Variants in LOXHD1 observed in about 807,000 individuals in gnomAD.
LOXHD1 encodes lipoxygenase homology domain-containing protein 1.
A neutral mutation model predicts 248.2 loss-of-function variants in LOXHD1; 205 were observed. The ratio of observed to expected loss-of-function variants is 0.83; its 90% confidence interval spans 0.74 to 0.93. The LOEUF is 0.93. Ranked by LOEUF, LOXHD1 falls within the 40% of genes least tolerant of loss-of-function variation. LOXHD1 has a pLI of 0.00. For synonymous variants in LOXHD1, 1,113 were observed against 1,162.8 expected (o/e 0.96, Z 0.87); for missense variants, 2,930 against 2,971.6 (o/e 0.99, Z 0.33).
intron 37 of LOXHD1, among the ~76,000 whole-genome samples, chr18:46,494,849 C>CTTTTTTTTTTTTTTTTTT (rs58016824): frequency 1.7e-4 from 16 of 96,554 alleles, no homozygotes; most frequent in Non-Finnish European, 2.9e-4. Flanking sequence ...TTCTCTCTCT[C>CTTTTTTTTTTTTTTTTTT]TTTTTTTTTT....
intron 21 of LOXHD1, among the ~76,000 whole-genome samples, chr18:46,552,280 C>A (rs915716707): frequency 1.3e-5 from 2 of 152,190 alleles, no homozygotes; most frequent in Admixed American, 1.3e-4. Flanking sequence ...AAAACATTCA[C>A]AGCCCACAGC....
At chr18:46,480,827 G>A (rs2032497967) in intron 40 of LOXHD1, among the ~76,000 whole-genome samples, 1 of 152,086 alleles carries the variant, frequency 6.6e-6, no homozygotes, top group East Asian at 1.9e-4. Flanking sequence ...AGGGCTGTAG[G>A]GAATTTTTAC....
At chr18:46,635,991 G>A (rs551886140) in intron 4 of LOXHD1, among the ~76,000 whole-genome samples, 3 of 152,280 alleles carry the variant, frequency 2.0e-5, no homozygotes, top group Non-Finnish European at 4.4e-5. Context: ...CAGCCATTTG[G>A]TTGGTCCTGC....
intron 4 of LOXHD1, among the ~76,000 whole-genome samples, chr18:46,634,460 T>C (rs951455967): frequency 6.6e-6 from 1 of 152,242 alleles, no homozygotes; most frequent in Non-Finnish European, 1.5e-5. Flanking sequence ...TTATACCACC[T>C]GACCTCATGT....
In LOXHD1 at chr18:46,592,279, G is replaced by GC. The variant is rs35665797; in HGVS notation, c.1519-212dup. ...ACCAGATGACTAGGGCAGAATGCAA[G>GC]CCCCCCAAACACCTGAGCGTTTTCT... is the stretch of plus-strand genomic sequence containing the variant. On this transcript the variant is annotated intron_variant, in intron 11 of 40. Transcript: ENST00000642948. 0.8 allele frequency among the ~76,000 whole-genome samples: 121,007 copies of GC among 152,022 alleles called. 48,670 individuals are homozygous for GC. The highest frequency in any genetic ancestry group is 0.86 in the Non-Finnish European group (58,600 of 67,972).
intron 29 of LOXHD1, among the ~76,000 whole-genome samples, chr18:46,527,351 A>G (rs34822946): frequency 0.055 from 8,447 of 152,342 alleles, 309 homozygotes; most frequent in Non-Finnish European, 0.083. Context: ...CCAGGCGTCA[A>G]CTAGGGCAGG....
At chr18:46,654,501 G>A (rs962405819) in intron 1 of LOXHD1, among the ~76,000 whole-genome samples, 4 of 152,352 alleles carry the variant, frequency 2.6e-5, no homozygotes, top group Admixed American at 2.0e-4. Flanking sequence ...TGTCTTAGGA[G>A]AGAGAGCAAT....
In LOXHD1 at chr18:46,572,024, C is replaced by T. The variant is rs2037761202; in HGVS notation, c.2047+62G>A. On this transcript the variant is annotated intron_variant, in intron 15 of 40. Coordinates refer to ENST00000642948, the MANE Select transcript of LOXHD1 (RefSeq NM_001384474.1). ...GCTCGTGTTTTCTTGAAGGGCTTAG[C>T]TGAGGGAAGGCCCCTGTCTCACCAA... 6 of 1,412,448 alleles carry T rather than the reference C, an allele frequency of 4.2e-6. 1 individual carries two copies. The highest frequency in any genetic ancestry group is 3.5e-4 in the Middle Eastern group (2 of 5,688). The allele number at this position is 1,412,448 out of a possible 1,614,324, so 87.5% of individuals were successfully genotyped here.
At chr18:46,486,677 G>A (rs1185511519) in intron 38 of LOXHD1, among the ~76,000 whole-genome samples, 1 of 152,130 alleles carries the variant, frequency 6.6e-6, no homozygotes, top group African/African-American at 2.4e-5. Flanking sequence ...TTAGGGAAAT[G>A]GTTTGTCAGA....
In LOXHD1 at chr18:46,579,765, A is replaced by C; in HGVS notation, c.1674T>G (p.Thr558=). ...CACCTTCAAGTTCACCTGTGCACAC[A>C]GTCACATGGTACCGGGCCACTGGCA... is the stretch of plus-strand genomic sequence containing the variant. ...RIMGMARYHV[T]VCTGELEGAG... Residue 558 remains threonine, a synonymous_variant, in exon 13 of 41, where the codon ACT becomes ACG. Coordinates refer to ENST00000642948, the MANE Select transcript of LOXHD1 (RefSeq NM_001384474.1). 1 of 1,551,830 alleles carries C rather than the reference A, an allele frequency of 6.4e-7. No individual in the cohort carries two copies. The highest frequency in any genetic ancestry group is 8.7e-7 in the Non-Finnish European group (1 of 1,147,012).
chr18:46,498,062 T>C (rs1307914834), intron 37 of LOXHD1, among the ~76,000 whole-genome samples: 7 of 152,234 alleles, frequency 4.6e-5, no homozygotes, highest in Admixed American at 3.3e-4. Flanking sequence ...AGGGGAATAA[T>C]TGGTTTCTGT....
intron 29 of LOXHD1, among the ~76,000 whole-genome samples, chr18:46,525,794 TGCTGA>T (rs1417402539): frequency 6.6e-6 from 1 of 152,166 alleles, no homozygotes; most frequent in Admixed American, 6.5e-5. Flanking sequence ...TGAGTCATTG[TGCTGA>T]GCCCTAGGAA....
intron 12 of LOXHD1, among the ~76,000 whole-genome samples, chr18:46,583,715 G>A (rs979070871): frequency 1.3e-5 from 2 of 152,074 alleles, no homozygotes; most frequent in Non-Finnish European, 2.9e-5. Flanking sequence ...CAGAGAAAAG[G>A]GAACACTTGC....
intron 16 of LOXHD1, among the ~76,000 whole-genome samples, chr18:46,566,690 C>T (rs1008806341): frequency 2.6e-5 from 4 of 152,174 alleles, no homozygotes; most frequent in African/African-American, 9.7e-5. Context: ...AGCACACCTC[C>T]CAGGGCCATA....
At chr18:46,551,614 A>G (rs1568174949) in intron 21 of LOXHD1, among the ~76,000 whole-genome samples, 1 of 151,934 alleles carries the variant, frequency 6.6e-6, no homozygotes. Context: ...GTAAACTGTC[A>G]TTTTTTTTCA....
chr18:46,606,778 T>C (rs556699222), intron 6 of LOXHD1, among the ~76,000 whole-genome samples: 1 of 152,286 alleles, frequency 6.6e-6, no homozygotes, highest in African/African-American at 2.4e-5. Flanking sequence ...AATTATGTCA[T>C]ATAATAATTT....
chr18:46,476,993 T>C (rs2032058453), downstream of LOXHD1: 2 of 581,130 alleles, frequency 3.4e-6, no homozygotes, highest in South Asian at 4.6e-5. Flanking sequence ...CTGGGTTTAT[T>C]GAAACTGGGG....
chr18:46,621,873 A>G (rs1354232873), intron 4 of LOXHD1, among the ~76,000 whole-genome samples: 1 of 152,236 alleles, frequency 6.6e-6, no homozygotes, highest in East Asian at 1.9e-4. Flanking sequence ...TTCACCTTCC[A>G]GGGCAAATAA....
chr18:46,560,883 T>C (rs1599005202), intron 18 of LOXHD1, among the ~76,000 whole-genome samples: 1 of 152,180 alleles, frequency 6.6e-6, no homozygotes, highest in South Asian at 2.1e-4. Context: ...TCCTATGATT[T>C]CTGTCCCTAT....
Sources: gnomAD v4.1 joint callset for allele counts (sites outside exome capture counted in the v4.1 genomes callset) on GRCh38, gnomAD v4.1.1 for gene constraint, MANE v1.5 for transcripts, NCBI Gene and HGNC (gene_info 2026-07-23, HGNC 2026-07-21) for gene names.